KCNIP4: variants seen among roughly 807,000 people sequenced by gnomAD.
The protein encoded by KCNIP4 is potassium voltage-gated channel interacting protein 4.
KCNIP4 carries 12 observed loss-of-function variants against 34.0 expected under a neutral mutation model. The ratio of observed to expected loss-of-function variants is 0.35; its 90% CI spans 0.23 to 0.57. The LOEUF is 0.57. Ranked by LOEUF, KCNIP4 falls within the 20% of genes least tolerant of loss-of-function variation. The pLI, the probability that KCNIP4 is intolerant of heterozygous loss-of-function variation, is 0.83. For missense variants in KCNIP4, 238 were observed against 311.7 expected (o/e 0.76, Z 1.78); for synonymous variants, 124 against 102.2 (o/e 1.21, Z -1.29).
At chr4:21,143,682 T>G (rs1015385183) in intron 1 of KCNIP4, among the ~76,000 whole-genome samples, 17 of 151,444 alleles carry the variant, frequency 1.1e-4, no homozygotes, top group Non-Finnish European at 2.1e-4. Context: ...ACCACTAGGC[T>G]TTGTTTAACC....
chr4:21,487,792 C>A (rs1732046215), intron 1 of KCNIP4, among the ~76,000 whole-genome samples: 1 of 152,100 alleles, frequency 6.6e-6, no homozygotes, highest in Non-Finnish European at 1.5e-5. Context: ...AATTATCCCA[C>A]CTTTGGTAGT....
At chr4:20,898,087 C>T (rs73242551) in intron 1 of KCNIP4, among the ~76,000 whole-genome samples, 6 of 152,090 alleles carry the variant, frequency 3.9e-5, no homozygotes, top group African/African-American at 9.6e-5. Flanking sequence ...GGGTAAGTTC[C>T]CTCTCTTCCT....
chr4:21,318,754 G>A (rs911257513), intron 1 of KCNIP4, among the ~76,000 whole-genome samples: 1 of 152,076 alleles, frequency 6.6e-6, no homozygotes, highest in Non-Finnish European at 1.5e-5. Context: ...TGAGCATGAA[G>A]AGAAGCTTAT....
chr4:21,185,417 C>T (rs1032347172), intron 1 of KCNIP4, among the ~76,000 whole-genome samples: 1 of 151,758 alleles, frequency 6.6e-6, no homozygotes, highest in Non-Finnish European at 1.5e-5. Flanking sequence ...TCCTCTTCTT[C>T]CTCTCTGTCC....
chr4:21,180,285 T>C (rs1299943042), intron 1 of KCNIP4, among the ~76,000 whole-genome samples: 1 of 152,176 alleles, frequency 6.6e-6, no homozygotes, highest in African/African-American at 2.4e-5. Flanking sequence ...AAGCTTCTAG[T>C]ACTAGAGTTT....
intron 1 of KCNIP4, among the ~76,000 whole-genome samples, chr4:21,794,565 G>A (rs1345366610): frequency 1.3e-5 from 2 of 152,134 alleles, no homozygotes; most frequent in South Asian, 2.1e-4. Flanking sequence ...TTCTTGGGGA[G>A]GCTCAGAGAA....
chr4:21,918,406 C>T (rs549537098), intron 1 of KCNIP4, among the ~76,000 whole-genome samples: 31 of 152,096 alleles, frequency 2.0e-4, no homozygotes, highest in African/African-American at 7.5e-4. Flanking sequence ...TCTTTCCATG[C>T]ACATCGTATT....
At chr4:21,898,196 G>A (rs1348194076) in intron 1 of KCNIP4, among the ~76,000 whole-genome samples, 6 of 152,212 alleles carry the variant, frequency 3.9e-5, no homozygotes, top group South Asian at 2.1e-4. Context: ...CTTGAAAGGC[G>A]GTATAGGCCC....
At chr4:21,725,585 C>T (rs566930567) in intron 1 of KCNIP4, among the ~76,000 whole-genome samples, 2 of 152,190 alleles carry the variant, frequency 1.3e-5, no homozygotes, top group African/African-American at 4.8e-5. Context: ...TGGAATAAGG[C>T]CCTGTAATCT....
At chr4:21,365,518 TAAATAAAAAATAAAGAAAG>T (rs549002521) in intron 1 of KCNIP4, among the ~76,000 whole-genome samples, 27,885 of 114,420 alleles carry the variant, frequency 0.24, 3,165 homozygotes, top group African/African-American at 0.36. Flanking sequence ...AATAAATAAA[TAAATAAAAAATAAAGAAAG>T]AAAAGAAAAA....
intron 1 of KCNIP4, among the ~76,000 whole-genome samples, chr4:21,797,362 C>T (rs1448164662): frequency 6.6e-6 from 1 of 152,106 alleles, no homozygotes; most frequent in Non-Finnish European, 1.5e-5. Flanking sequence ...TTAGGTTGGT[C>T]TTGAATTCCT....
intron 1 of KCNIP4, among the ~76,000 whole-genome samples, chr4:21,610,072 A>C (rs546917819): frequency 7.0e-4 from 106 of 152,364 alleles, no homozygotes; most frequent in African/African-American, 2.5e-3. Flanking sequence ...TGCTGTCTTT[A>C]GATTATAAAA....
chr4:21,205,703 A>G (rs1052277503), intron 1 of KCNIP4, among the ~76,000 whole-genome samples: 1 of 152,220 alleles, frequency 6.6e-6, no homozygotes, highest in African/African-American at 2.4e-5. Context: ...TTATAGTTGA[A>G]GAAATTAAGG....
At chr4:21,342,763 A>G (rs570914309) in intron 1 of KCNIP4, among the ~76,000 whole-genome samples, 3 of 152,236 alleles carry the variant, frequency 2.0e-5, no homozygotes, top group South Asian at 4.2e-4. Context: ...AAAGAAAAAA[A>G]TCCTGCCACT....
intron 1 of KCNIP4, among the ~76,000 whole-genome samples, chr4:21,246,264 A>G (rs936363997): frequency 1.3e-5 from 2 of 152,182 alleles, no homozygotes; most frequent in Non-Finnish European, 2.9e-5. Flanking sequence ...GAAGTTCTCT[A>G]CTTTAAAACC....
rs1729496815 is a variant in KCNIP4, at chr4:21,461,952, T to A, written c.61+486619A>T. On this transcript the variant is annotated intron_variant, in intron 1 of 8. Coordinates refer to ENST00000382152, the MANE Select transcript of KCNIP4 (RefSeq NM_025221.6). The stretch of plus-strand genomic sequence containing the variant: ...AAAATAATTGTTCATATTTATAAAG[T>A]ACAATGTTTCAATATATGTATATAA... 2.6e-5 allele frequency among the ~76,000 whole-genome samples: 4 copies of A among 152,104 alleles called. No individual in the cohort carries two copies. In the South Asian group the frequency reaches 8.3e-4, roughly 32 times the overall value.
chr4:21,483,467 C>T (rs1047873506), intron 1 of KCNIP4, among the ~76,000 whole-genome samples: 17 of 148,052 alleles, frequency 1.1e-4, no homozygotes, highest in East Asian at 1.0e-3. Context: ...CCTGTTCTCA[C>T]GATAGAGTTC....
At chr4:20,996,865 T>A (rs1044250676) in intron 1 of KCNIP4, among the ~76,000 whole-genome samples, 1 of 152,138 alleles carries the variant, frequency 6.6e-6, no homozygotes, top group African/African-American at 2.4e-5. Context: ...TTCATCTCAC[T>A]GTCTCCAGGA....
chr4:21,081,109 G>A (rs1051698448), intron 1 of KCNIP4, among the ~76,000 whole-genome samples: 3 of 151,664 alleles, frequency 2.0e-5, no homozygotes, highest in Non-Finnish European at 2.9e-5. Flanking sequence ...ATCACTTTAA[G>A]AGGCATGATA....
Sources: allele counts gnomAD v4.1 joint callset (sites outside exome capture counted in the v4.1 genomes callset), GRCh38; gene constraint gnomAD v4.1.1; transcripts MANE v1.5; gene names NCBI Gene and HGNC (gene_info 2026-07-23, HGNC 2026-07-21).